Variants in ARMC6 observed in about 807,000 individuals in gnomAD.
The protein encoded by ARMC6 is armadillo repeat containing 6.
ARMC6 carries 43 observed loss-of-function variants against 49.2 expected under a neutral mutation model. The ratio of observed to expected loss-of-function variants is 0.87; its 90% CI spans 0.69 to 1.13. The LOEUF is 1.13. Ranked by LOEUF, ARMC6 falls within the 50% of genes most tolerant of loss-of-function variation. ARMC6 has a pLI of 0.00. For missense variants in ARMC6, 627 were observed against 682.0 expected (o/e 0.92, Z 0.90); for synonymous variants, 262 against 289.6 (o/e 0.90, Z 0.97).
At chr19:19,042,907 C>T in intron 3 of ARMC6, 30 bp downstream of exon 3, 2 of 1,611,284 alleles carry the variant, frequency 1.2e-6, no homozygotes, top group South Asian at 2.2e-5. Flanking sequence ...ACCTACCATC[C>T]TTGGCTCTTA....
At chr19:19,049,058 GA>G (rs1416270125) in intron 4 of ARMC6, among the ~76,000 whole-genome samples, 15 of 140,072 alleles carry the variant, frequency 1.1e-4, no homozygotes, top group African/African-American at 3.4e-4. Context: ...TGAGGACTTA[GA>G]TTTTTTTTTT....
intron 4 of ARMC6, among the ~76,000 whole-genome samples, chr19:19,048,338 T>C (rs986349923): frequency 1.2e-4 from 18 of 151,028 alleles, no homozygotes; most frequent in African/African-American, 3.9e-4. Flanking sequence ...AAGAGCGAAA[T>C]TGCATCTCAA....
At chr19:19,037,759 C>T (rs571038552) in intron 2 of ARMC6, 1 of 990,322 alleles carries the variant, frequency 1.0e-6, no homozygotes, top group African/African-American at 1.8e-5. Context: ...CTCTGTTAGG[C>T]TCTGGACCTA....
Position 19,057,610 on chromosome 19 carries a change from G to T in ARMC6, c.1488G>T (p.Arg496Ser). ...VELRELWTGQRGNLAP is the reference protein window; with the variant it reads ...VELRELWTGQSGNLAP The stretch of plus-strand genomic sequence containing the variant: ...TCCGAGAGCTGTGGACAGGCCAGAG[G>T]GGCAACCTGGCGCCATGACCCCAGG... Residue 496 changes from arginine (R) to serine (S), a missense_variant, in exon 9 of 9, where the codon AGG (arginine) becomes AGT (serine). Coordinates refer to ENST00000535612, the MANE Select transcript of ARMC6 (RefSeq NM_001199196.2). The T allele has an allele frequency of 6.2e-7, 1 of 1,612,758 alleles. No individual in the cohort carries two copies.
chr19:19,035,367 GGCCT>G (rs562408878), intron 2 of ARMC6, among the ~76,000 whole-genome samples: 40 of 152,248 alleles, frequency 2.6e-4, no homozygotes, highest in African/African-American at 8.7e-4. Flanking sequence ...GCCAGTTAGG[GGCCT>G]TACTCATCTT....
intron 4 of ARMC6, among the ~76,000 whole-genome samples, chr19:19,046,630 G>T (rs1311049254): frequency 2.0e-5 from 3 of 152,208 alleles, no homozygotes; most frequent in African/African-American, 7.2e-5. Flanking sequence ...GAGTAGCTGG[G>T]ATTACAGGCG....
chr19:19,040,654 CTTTT>C, intron 2 of ARMC6: 24 of 274,952 alleles, frequency 8.7e-5, no homozygotes, highest in South Asian at 1.8e-4. Context: ...CAGAGTTTGA[CTTTT>C]TTTTTTTTTT....
chr19:19,047,414 T>C (rs929721302), intron 4 of ARMC6, among the ~76,000 whole-genome samples: 3 of 152,172 alleles, frequency 2.0e-5, no homozygotes, highest in African/African-American at 7.2e-5. Flanking sequence ...TCTGTTTGTG[T>C]CATAAGATTT....
intron 2 of ARMC6, among the ~76,000 whole-genome samples, chr19:19,042,234 T>G (rs1486386262): frequency 1.3e-5 from 2 of 152,226 alleles, no homozygotes; most frequent in Non-Finnish European, 2.9e-5. Context: ...CCTAATAAGA[T>G]AATCATTATT....
intron 4 of ARMC6, among the ~76,000 whole-genome samples, chr19:19,044,559 A>T (rs2059434115): frequency 6.6e-6 from 1 of 152,166 alleles, no homozygotes; most frequent in South Asian, 2.1e-4. Flanking sequence ...CTGGCACTTA[A>T]CCTCTCCAGA....
intron 4 of ARMC6, among the ~76,000 whole-genome samples, chr19:19,048,238 C>T (rs1362013904): frequency 6.6e-6 from 1 of 152,032 alleles, no homozygotes; most frequent in Admixed American, 6.6e-5. Flanking sequence ...TCCAGCTACT[C>T]AGGAGGCTGA....
At position 19,058,142 on chromosome 19, in the gene ARMC6, A is replaced by G. The variant is rs77467797; in HGVS notation, c.*514A>G. The G allele has an allele frequency of 0.02, 3,617 of 183,854 alleles. 136 individuals carry two copies. Among genetic ancestry groups the G allele is most frequent in the African/African-American group, 0.081 (3,425 of 42,062 alleles). The allele number at this position is 183,854 out of a possible 1,614,324, so 11.4% of individuals were successfully genotyped here. ...GTCTCTGGGTCCTGGGCCAGCCAGGATACCTGATAATAAAAGATCATTGGG... is the reference window on the plus strand; with the variant it reads ...GTCTCTGGGTCCTGGGCCAGCCAGGGTACCTGATAATAAAAGATCATTGGG... On this transcript the variant is annotated 3_prime_UTR_variant, in exon 9 of 9. Transcript: ENST00000535612.
intron 8 of ARMC6, 102 bp downstream of exon 8, chr19:19,056,030 G>A: frequency 1.4e-6 from 2 of 1,381,898 alleles, no homozygotes; most frequent in South Asian, 1.4e-5. Context: ...GGGTGATGGG[G>A]CAAAGGCTCA....
chr19:19,044,609 G>A (rs1401514195), intron 4 of ARMC6, among the ~76,000 whole-genome samples: 4 of 152,250 alleles, frequency 2.6e-5, no homozygotes, highest in African/African-American at 7.2e-5. Flanking sequence ...AATGCTTTCC[G>A]TAAGGTCGCC....
At chr19:19,052,670 CGTCAGACCCTAAAGCTTCT>C (rs750266200) in intron 5 of ARMC6, among the ~76,000 whole-genome samples, 32 of 152,294 alleles carry the variant, frequency 2.1e-4, no homozygotes, top group Middle Eastern at 3.4e-3. Context: ...CAGTGCTGAC[CGTCAGACCCTAAAGCTTCT>C]GTCTTAACCC....
At chr19:19,053,359 C>T (rs1344097351) in intron 5 of ARMC6, among the ~76,000 whole-genome samples, 1 of 152,092 alleles carries the variant, frequency 6.6e-6, no homozygotes, top group Non-Finnish European at 1.5e-5. Context: ...TGGTGGTGGG[C>T]ACCTGTAATC....
chr19:19,051,352 T>A (rs964210893), intron 4 of ARMC6, among the ~76,000 whole-genome samples: 3 of 149,812 alleles, frequency 2.0e-5, no homozygotes, highest in Non-Finnish European at 4.4e-5. Context: ...GACACTGAGT[T>A]GTCTGGATCT....
At chr19:19,051,371 C>CTGTGTGTG (rs1349643143) in intron 4 of ARMC6, among the ~76,000 whole-genome samples, 29 of 122,878 alleles carry the variant, frequency 2.4e-4, no homozygotes, top group African/African-American at 1.1e-3. Context: ...CTCTCTCTCT[C>CTGTGTGTG]TCTCTGTGTG....
intron 5 of ARMC6, among the ~76,000 whole-genome samples, chr19:19,053,325 TA>T: frequency 6.6e-6 from 1 of 152,162 alleles, no homozygotes; most frequent in Middle Eastern, 3.4e-3. Flanking sequence ...CTGTTTCTAC[TA>T]AAAATACAAA....
Sources: gnomAD v4.1 joint callset for allele counts (sites outside exome capture counted in the v4.1 genomes callset) on GRCh38, gnomAD v4.1.1 for gene constraint, MANE v1.5 for transcripts, NCBI Gene and HGNC (gene_info 2026-07-23, HGNC 2026-07-21) for gene names.